Variants in PACRG observed in about 807,000 individuals in gnomAD.
PACRG encodes the protein parkin coregulated gene protein.
A neutral mutation model predicts 29.7 loss-of-function variants in PACRG; 29 were observed. The observed-to-expected ratio is 0.98, with a 90% confidence interval of 0.73 to 1.33. The LOEUF (loss-of-function observed/expected upper bound fraction) is 1.33. Among genes scored for constraint, PACRG ranks in the 40% most tolerant of loss-of-function variants. The pLI, the probability that PACRG is intolerant of heterozygous loss-of-function variation, is 0.00. For synonymous variants in PACRG, 116 were observed against 118.7 expected (o/e 0.98, Z 0.15); for missense variants, 279 against 316.2 (o/e 0.88, Z 0.89).
intron 4 of PACRG, among the ~76,000 whole-genome samples, chr6:163,122,677 G>A (rs1230179828): frequency 6.6e-6 from 1 of 152,090 alleles, no homozygotes; most frequent in Non-Finnish European, 1.5e-5. Flanking sequence ...TGCAGAATCG[G>A]AAGACAAAAA....
At chr6:163,232,736 T>G (rs1006109507) in intron 4 of PACRG, among the ~76,000 whole-genome samples, 1 of 152,002 alleles carries the variant, frequency 6.6e-6, no homozygotes, top group Admixed American at 6.5e-5. Context: ...CAAAAGTGAT[T>G]GATTCCCTGA....
intron 4 of PACRG, among the ~76,000 whole-genome samples, chr6:163,160,948 A>C (rs1778530479): frequency 6.6e-6 from 1 of 152,110 alleles, no homozygotes; most frequent in Admixed American, 6.5e-5. Context: ...ATTTGCTCAC[A>C]AGCACTTTAT....
At chr6:162,743,768 G>T (rs1780776808) in intron 1 of PACRG, among the ~76,000 whole-genome samples, 1 of 151,908 alleles carries the variant, frequency 6.6e-6, no homozygotes, top group Non-Finnish European at 1.5e-5. Flanking sequence ...GTGGCTTTTA[G>T]TATATTCTCA....
At chr6:163,202,731 C>CA (rs371349391) in intron 4 of PACRG, among the ~76,000 whole-genome samples, 5 of 151,502 alleles carry the variant, frequency 3.3e-5, no homozygotes, top group Non-Finnish European at 4.4e-5. Context: ...CAATCCATAC[C>CA]AAAAAAAAGT....
chr6:162,969,124 TA>T (rs1308847627), intron 2 of PACRG, among the ~76,000 whole-genome samples: 1 of 150,980 alleles, frequency 6.6e-6, no homozygotes, highest in Non-Finnish European at 1.5e-5. Flanking sequence ...AGTTAGACAC[TA>T]ATAGAGGTCC....
At chr6:163,248,862 A>C (rs553870881) in intron 4 of PACRG, among the ~76,000 whole-genome samples, 1 of 152,008 alleles carries the variant, frequency 6.6e-6, no homozygotes, top group Non-Finnish European at 1.5e-5. Context: ...AAAAAAATAC[A>C]AACAATTAGC....
At chr6:162,898,702 C>A (rs1397727351) in intron 2 of PACRG, among the ~76,000 whole-genome samples, 1 of 152,308 alleles carries the variant, frequency 6.6e-6, no homozygotes, top group East Asian at 1.9e-4. Context: ...TGAGTTCACA[C>A]AAATACAGGA....
intron 1 of PACRG, among the ~76,000 whole-genome samples, chr6:162,778,971 T>G (rs1223659850): frequency 1.3e-5 from 2 of 152,188 alleles, no homozygotes; most frequent in Non-Finnish European, 2.9e-5. Flanking sequence ...CACAGATGGA[T>G]CCATCCCCTA....
intron 2 of PACRG, among the ~76,000 whole-genome samples, chr6:163,025,618 G>C (rs928141801): frequency 4.6e-5 from 7 of 152,240 alleles, no homozygotes; most frequent in African/African-American, 1.7e-4. Context: ...AATGCAGAAG[G>C]AGATTGGCTG....
chr6:163,076,895 C>T (rs547823381), intron 3 of PACRG, among the ~76,000 whole-genome samples: 2 of 152,198 alleles, frequency 1.3e-5, no homozygotes, highest in African/African-American at 4.8e-5. Flanking sequence ...TAGCTCCTCT[C>T]TCATGTCACT....
chr6:163,061,859 T>C (rs1277031597), intron 2 of PACRG, among the ~76,000 whole-genome samples: 3 of 152,160 alleles, frequency 2.0e-5, no homozygotes. Context: ...TTGAGCCAAA[T>C]GGTAACGAAT....
intron 1 of PACRG, among the ~76,000 whole-genome samples, chr6:162,754,498 T>C (rs1377616554): frequency 6.6e-6 from 1 of 152,206 alleles, no homozygotes; most frequent in African/African-American, 2.4e-5. Context: ...TGCTTTTCCT[T>C]TTATTGCCTG....
At chr6:162,923,972 G>C (rs1478248031) in intron 2 of PACRG, among the ~76,000 whole-genome samples, 1 of 151,940 alleles carries the variant, frequency 6.6e-6, no homozygotes, top group Admixed American at 6.6e-5. Flanking sequence ...ACTTTGATTT[G>C]TATGATCATT....
intron 1 of PACRG, 22 bp from the exon 2 acceptor site, chr6:162,814,125 T>C: frequency 6.3e-7 from 1 of 1,590,310 alleles, no homozygotes; most frequent in Non-Finnish European, 8.5e-7. Flanking sequence ...ACCTGATCCC[T>C]ATTTTTTTTT....
At chr6:163,249,446 C>T (rs1782820152) in intron 4 of PACRG, among the ~76,000 whole-genome samples, 1 of 152,188 alleles carries the variant, frequency 6.6e-6, no homozygotes, top group African/African-American at 2.4e-5. Flanking sequence ...CTGGCAAGTG[C>T]ATATCACCAG....
chr6:162,784,790 G>A (rs1784335512), intron 1 of PACRG, among the ~76,000 whole-genome samples: 1 of 152,172 alleles, frequency 6.6e-6, no homozygotes, highest in Non-Finnish European at 1.5e-5. Context: ...AGCAATACTT[G>A]AAAAGGCTCA....
At chr6:163,179,400 A>C in intron 4 of PACRG, 1 of 291,858 alleles carries the variant, frequency 3.4e-6, no homozygotes, top group African/African-American at 2.2e-5. Context: ...AAATTAAAAA[A>C]AAAAAAAAAA....
chr6:162,816,869 C>T (rs1302717746), intron 2 of PACRG, among the ~76,000 whole-genome samples: 1 of 152,220 alleles, frequency 6.6e-6, no homozygotes, highest in Non-Finnish European at 1.5e-5. Context: ...ACCCTGCACT[C>T]TTCTCTTGTG....
intron 4 of PACRG, among the ~76,000 whole-genome samples, chr6:163,122,956 G>A (rs911506313): frequency 2.6e-5 from 4 of 152,018 alleles, no homozygotes; most frequent in African/African-American, 7.3e-5. Context: ...GAAACACCAG[G>A]GTCCTTTGTC....
Sources: gnomAD v4.1 joint callset for allele counts (sites outside exome capture counted in the v4.1 genomes callset) on GRCh38, gnomAD v4.1.1 for gene constraint, MANE v1.5 for transcripts, NCBI Gene and HGNC (gene_info 2026-07-23, HGNC 2026-07-21) for gene names.